ZNF813: variants seen among roughly 807,000 people sequenced by gnomAD.
ZNF813 encodes zinc finger protein 813.
In ZNF813, 3 loss-of-function variants were observed where a neutral mutation model predicts 7.2. That is an observed-to-expected ratio of 0.42 (90% CI 0.19 to 1.08). The LOEUF (loss-of-function observed/expected upper bound fraction) is 1.08. Among genes scored for constraint, ZNF813 ranks in the 50% least tolerant of loss-of-function variants. The probability of loss-of-function intolerance (pLI) is 0.30; values close to 1 mark genes in which losing one functional copy is unlikely to be tolerated. For synonymous variants in ZNF813, 227 were observed against 256.3 expected, an observed-to-expected ratio of 0.89 and a Z score of 1.09; for missense variants, 714 against 753.3, an observed-to-expected ratio of 0.95 and a Z score of 0.61.
In ZNF813 at chr19:53,492,570, T is replaced by A. The variant is rs12982074; in HGVS notation, c.*484T>A. 6.7e-6 allele frequency: 4 copies of A among 595,430 alleles called. No individual in the cohort carries two copies. Among genetic ancestry groups the A allele is most frequent in the African/African-American group, 1.9e-5 (1 of 52,872 alleles). 36.9% of individuals were successfully genotyped at this position (595,430 alleles called of 1,614,324 possible). On this transcript the variant is annotated 3_prime_UTR_variant, in exon 4 of 4. Coordinates refer to ENST00000396403, the MANE Select transcript of ZNF813 (RefSeq NM_001004301.4). ...AAGTGTAATGAGTCTGGCAAAGCCT[T>A]AATGAGCAGTCAACACTTACTCACC... is the stretch of plus-strand genomic sequence containing the variant.
chr19:53,472,443 C>CT (rs2086363949), intron 1 of ZNF813, among the ~76,000 whole-genome samples: 1 of 151,752 alleles, frequency 6.6e-6, no homozygotes, highest in Admixed American at 6.6e-5. Context: ...AATAGGCCAT[C>CT]GGTAAAAGGG....
intron 1 of ZNF813, among the ~76,000 whole-genome samples, chr19:53,470,986 C>T (rs566931505): frequency 3.3e-5 from 5 of 152,218 alleles, no homozygotes; most frequent in South Asian, 4.1e-4. Context: ...AATTGGGGTG[C>T]GGTACCTTTA....
chr19:53,491,343 A>G lies in ZNF813; in HGVS notation c.1111A>G (p.Thr371Ala). 1 of 1,612,680 alleles carries G rather than the reference A, an allele frequency of 6.2e-7. No homozygotes were observed. Among genetic ancestry groups the G allele is most frequent in the Non-Finnish European group, 8.5e-7 (1 of 1,179,208 alleles). ...GACCTTTAGTCGGAAGTCATCCCTT[A>G]CATGCCATCATAGACTTCATACGGG... ...GKTFSRKSSLTCHHRLHTGEK... is the reference protein window; with the variant it reads ...GKTFSRKSSLACHHRLHTGEK... The change falls in exon 4 of 4, where the codon ACA becomes GCA. Residue 371 changes from threonine (T) to alanine (A), a missense_variant. Around this residue, in one of 3 missense-constraint regions of ZNF813, gnomAD observed 563 missense variants for 554.2 expected, o/e 1.02. Coordinates refer to ENST00000396403, the MANE Select transcript of ZNF813 (RefSeq NM_001004301.4).
intron 2 of ZNF813, 126 bp downstream of exon 2, chr19:53,483,963 C>G: frequency 6.4e-7 from 1 of 1,569,990 alleles, no homozygotes; most frequent in Admixed American, 1.7e-5. Context: ...TCACCCATGC[C>G]TTCCCTCAGT....
chr19:53,489,304 G>T (rs62115427), intron 3 of ZNF813, among the ~76,000 whole-genome samples: 10,896 of 152,200 alleles, frequency 0.072, 418 homozygotes, highest in East Asian at 0.12. Context: ...ACCGTGCCTG[G>T]CATTAATGTC....
At chr19:53,489,142 G>GGATTACA (rs1284223911) in intron 3 of ZNF813, among the ~76,000 whole-genome samples, 3 of 152,048 alleles carry the variant, frequency 2.0e-5, no homozygotes, top group African/African-American at 7.2e-5. Flanking sequence ...CGAGTAGCTG[G>GGATTACA]GATTACAGGC....
Position 53,469,006 on chromosome 19 carries a change from T to C in ZNF813, c.-74+1217T>C, listed in dbSNP as rs370605495. On this transcript the variant is annotated intron_variant, in intron 1 of 3. Transcript: ENST00000396403. ...AAACTTGGACAATACCCAGGCTTTCTAGGGCAGAGGTCCCTGCGGCTTTCC... is the reference window on the plus strand; with the variant it reads ...AAACTTGGACAATACCCAGGCTTTCCAGGGCAGAGGTCCCTGCGGCTTTCC... Among the ~76,000 whole-genome samples the C allele has an allele frequency of 8.4e-3, 1,283 of 152,298 alleles. 17 individuals are homozygous for C. Among genetic ancestry groups the C allele is most frequent in the African/African-American group, 0.029 (1,215 of 41,576 alleles).
Position 53,490,885 on chromosome 19 carries a change from A to T in ZNF813, c.653A>T (p.Asn218Ile). The change falls in exon 4 of 4, where the codon AAT becomes ATT. Residue 218 changes from asparagine (N) to isoleucine (I), a missense_variant. Physicochemically the swap from Asn to Ile is moderately radical, Grantham distance 149. Coordinates refer to ENST00000396403, the MANE Select transcript of ZNF813 (RefSeq NM_001004301.4). Reference protein sequence around the residue: ...VHMREKSFQCNESGKAFNYSS... With the variant: ...VHMREKSFQCIESGKAFNYSS... ...ATGAGAGAAAAGTCTTTCCAATGTA[A>T]TGAGAGTGGCAAAGCCTTTAATTAT... is the stretch of plus-strand genomic sequence containing the variant. The T allele has an allele frequency of 6.2e-7, 1 of 1,614,222 alleles. No individual in the cohort carries two copies.
Position 53,491,464 on chromosome 19 carries a change from A to T in ZNF813, c.1232A>T (p.Tyr411Phe). The T allele has an allele frequency of 6.2e-7, 1 of 1,614,166 alleles. No homozygotes were observed. The stretch of plus-strand genomic sequence containing the variant: ...AGACTTCATACCGGAGAGAAGCCTT[A>T]CAAGTGTAATGAATGTGGCAAGGTT... ...HRRLHTGEKP[Y>F]KCNECGKVFN... The change falls in exon 4 of 4, where the codon TAC becomes TTC. Residue 411 changes from tyrosine to phenylalanine, a missense_variant. By Grantham distance (22) the Tyr-to-Phe change is conservative (BLOSUM62 3). This residue lies in a region of ZNF813 where 563 missense variants were observed against 554.2 expected (regional missense o/e 1.02). Coordinates refer to ENST00000396403, the MANE Select transcript of ZNF813 (RefSeq NM_001004301.4).
At position 53,492,701 on chromosome 19, in the gene ZNF813, G is replaced by C. The variant is rs1568433857; in HGVS notation, c.*615G>C. 5.3e-6 allele frequency: 4 copies of C among 757,976 alleles called. No individual in the cohort carries two copies. Among genetic ancestry groups the C allele is most frequent in the Non-Finnish European group, 8.6e-6 (4 of 465,242 alleles). The allele number at this position is 757,976 out of a possible 1,614,324, so 47.0% of individuals were successfully genotyped here. ...ATCATTGGAGAACCCATAAGGAAGA[G>C]AGATCATACAAGTGTAATAATCGGC... On this transcript the variant is annotated 3_prime_UTR_variant, in exon 4 of 4. Transcript: ENST00000396403.
At chr19:53,479,181 T>C (rs1323976701) in intron 1 of ZNF813, among the ~76,000 whole-genome samples, 3 of 152,196 alleles carry the variant, frequency 2.0e-5, no homozygotes, top group African/African-American at 7.2e-5. Context: ...GTGATCCACT[T>C]GCTTCGGCCC....
At chr19:53,477,592 G>C (rs748732760) in intron 1 of ZNF813, among the ~76,000 whole-genome samples, 2 of 152,110 alleles carry the variant, frequency 1.3e-5, no homozygotes, top group Non-Finnish European at 2.9e-5. Context: ...GGGGCAAGGG[G>C]ATTGCTTGAG....
At chr19:53,477,442 C>A (rs116916373) in intron 1 of ZNF813, among the ~76,000 whole-genome samples, 35,395 of 151,896 alleles carry the variant, frequency 0.23, 4,341 homozygotes, top group South Asian at 0.32. Flanking sequence ...CGTGGGTTGT[C>A]CTCAGCCTGT....
chr19:53,470,992 C>T (rs186727349), intron 1 of ZNF813, among the ~76,000 whole-genome samples: 1 of 152,096 alleles, frequency 6.6e-6, no homozygotes, highest in East Asian at 1.9e-4. Context: ...GGTGCGGTAC[C>T]TTTATGACTT....
At chr19:53,490,000 T>A (rs2086451318) in intron 3 of ZNF813, among the ~76,000 whole-genome samples, 1 of 152,236 alleles carries the variant, frequency 6.6e-6, no homozygotes, top group South Asian at 2.1e-4. Flanking sequence ...TCCTTTAGCA[T>A]TTATTTGTAT....
intron 2 of ZNF813, among the ~76,000 whole-genome samples, 165 bp from the exon 3 acceptor site, chr19:53,486,467 A>T (rs2086434521): frequency 6.6e-6 from 1 of 151,528 alleles, no homozygotes; most frequent in African/African-American, 2.4e-5. Context: ...AAAGCATAAT[A>T]AAACACAGCT....
At chr19:53,476,715 G>A (rs1271118402) in intron 1 of ZNF813, among the ~76,000 whole-genome samples, 1 of 151,876 alleles carries the variant, frequency 6.6e-6, no homozygotes, top group Non-Finnish European at 1.5e-5. Context: ...GTGCAGTGGT[G>A]CGATCTTGGC....
In ZNF813 at chr19:53,490,580, C is replaced by A. The variant is rs754267050; in HGVS notation, c.348C>A (p.Ile116=). Residue 116 remains isoleucine (I), a synonymous_variant, in exon 4 of 4, where the codon ATC becomes ATA. Transcript: ENST00000396403. ...GCCATGAAGCACCCATGACAGAAATCAAAAAGTTGACTGGTAGTGCAGACC... is the reference window on the plus strand; with the variant it reads ...GCCATGAAGCACCCATGACAGAAATAAAAAAGTTGACTGGTAGTGCAGACC... ...RNSHEAPMTE[I]KKLTGSADRY... is the part of the protein sequence containing the mutation. 14 of 1,614,004 alleles carry A rather than the reference C, an allele frequency of 8.7e-6. No individual in the cohort carries two copies. Among genetic ancestry groups the A allele is most frequent in the South Asian group, 4.4e-5 (4 of 91,076 alleles).
At chr19:53,470,861 A>T (rs1224456555) in intron 1 of ZNF813, among the ~76,000 whole-genome samples, 1 of 152,102 alleles carries the variant, frequency 6.6e-6, no homozygotes, top group East Asian at 1.9e-4. Flanking sequence ...CTATTTTGGT[A>T]GATGGCATTT....
Sources: gnomAD v4.1 joint callset for allele counts (sites outside exome capture counted in the v4.1 genomes callset) on GRCh38, gnomAD v4.1.1 for gene constraint, gnomAD v4.1.1 regional missense constraint, MANE v1.5 for transcripts, NCBI Gene and HGNC (gene_info 2026-07-23, HGNC 2026-07-21) for gene names.